Variants in KLHL2 observed in about 807,000 individuals in gnomAD.
KLHL2 encodes the protein kelch like family member 2.
In KLHL2, 15 loss-of-function variants were observed where a neutral mutation model predicts 75.8. That is an observed-to-expected ratio of 0.20 (90% CI 0.13 to 0.30). The LOEUF (loss-of-function observed/expected upper bound fraction) is 0.30, where lower values mean the gene tolerates loss of function less well. Among genes scored for constraint, KLHL2 ranks in the 10% least tolerant of loss-of-function variants. The pLI is 1.00. For missense variants in KLHL2, 381 were observed against 741.0 expected (o/e 0.51, Z 5.64); for synonymous variants, 214 against 251.9 (o/e 0.85, Z 1.42).
chr4:165,209,160 C>G lies in KLHL2; in HGVS notation c.26+1258C>G, dbSNP rs1006280249. 1.8e-4 allele frequency among the ~76,000 whole-genome samples: 27 copies of G among 152,108 alleles called. 1 individual carries two copies. The highest frequency in any genetic ancestry group is 1.0e-4 in the Non-Finnish European group (7 of 68,010). ...CTTAGTCACCTCTCGATAGCTGTGG[C>G]TTTGAGGGCTCTGAGATTTGGTCAT... On this transcript the variant is annotated intron_variant, in intron 1 of 14. Transcript: ENST00000226725.
At chr4:165,250,450 A>G (rs1441804360) in intron 4 of KLHL2, among the ~76,000 whole-genome samples, 1 of 152,212 alleles carries the variant, frequency 6.6e-6, no homozygotes, top group African/African-American at 2.4e-5. Flanking sequence ...TCAGAAAATA[A>G]TAAGGAGCCC....
chr4:165,301,457 C>G (rs1745342698), intron 8 of KLHL2, among the ~76,000 whole-genome samples: 1 of 152,210 alleles, frequency 6.6e-6, no homozygotes. Flanking sequence ...GTAAGTGGCT[C>G]AGTAAGTACA....
At chr4:165,280,011 G>C (rs1326050086) in intron 5 of KLHL2, among the ~76,000 whole-genome samples, 1 of 152,200 alleles carries the variant, frequency 6.6e-6, no homozygotes, top group Admixed American at 6.5e-5. Flanking sequence ...TCCAGGGTCT[G>C]TTGGACCTTT....
chr4:165,215,022 C>T (rs1239985065), intron 1 of KLHL2, among the ~76,000 whole-genome samples: 1 of 152,000 alleles, frequency 6.6e-6, no homozygotes, highest in African/African-American at 2.4e-5. Context: ...GTCTATAGGG[C>T]AAATGTTAAC....
At chr4:165,294,760 C>A (rs1164718018) in intron 6 of KLHL2, among the ~76,000 whole-genome samples, 1 of 152,200 alleles carries the variant, frequency 6.6e-6, no homozygotes, top group Non-Finnish European at 1.5e-5. Context: ...CAAGAGCTTG[C>A]ACACATTAGA....
intron 5 of KLHL2, chr4:165,278,670 C>G (rs1245329252): frequency 8.8e-6 from 14 of 1,599,376 alleles, no homozygotes; most frequent in Admixed American, 1.7e-5. Context: ...ATAACAGCAC[C>G]AGCTATAGCT....
intron 5 of KLHL2, among the ~76,000 whole-genome samples, chr4:165,288,090 A>G (rs1744220275): frequency 6.6e-6 from 1 of 152,178 alleles, no homozygotes; most frequent in African/African-American, 2.4e-5. Context: ...CAGTGTCACG[A>G]AACTTTCCCC....
rs1198928728 is a variant in KLHL2, at chr4:165,259,104, C to CT, written c.382-4081dup. Among the ~76,000 whole-genome samples the CT allele has an allele frequency of 8.2e-3, 1,204 of 146,386 alleles. 16 individuals are homozygous for CT. The highest frequency in any genetic ancestry group is 0.027 in the African/African-American group (1,069 of 40,164). On this transcript the variant is annotated intron_variant, in intron 4 of 14. Transcript: ENST00000226725. ...GTATTTCTAACTATGAACCTATATT[C>CT]TTTTTTTTTTTTCTTTGAGATGGAG...
chr4:165,306,187 C>T (rs1745715308), intron 9 of KLHL2, among the ~76,000 whole-genome samples: 1 of 152,212 alleles, frequency 6.6e-6, no homozygotes. Flanking sequence ...ATTATACAAA[C>T]TCAGAATTTT....
intron 8 of KLHL2, among the ~76,000 whole-genome samples, chr4:165,300,439 G>T (rs1269520963): frequency 1.3e-5 from 2 of 152,108 alleles, no homozygotes; most frequent in African/African-American, 4.8e-5. Context: ...GTTCCCTGCT[G>T]TATACCATTT....
intron 5 of KLHL2, among the ~76,000 whole-genome samples, chr4:165,284,107 A>T (rs1224389831): frequency 2.0e-5 from 3 of 152,120 alleles, no homozygotes; most frequent in Non-Finnish European, 4.4e-5. Context: ...TGGGCCTGTG[A>T]TGGAAGGGGC....
intron 5 of KLHL2, chr4:165,278,697 C>T (rs764206073): frequency 2.2e-5 from 35 of 1,603,902 alleles, no homozygotes; most frequent in Admixed American, 1.2e-4. Context: ...CCTTCCAAAG[C>T]GTAATATACC....
At chr4:165,288,555 C>CT (rs1744257837) in intron 5 of KLHL2, among the ~76,000 whole-genome samples, 1 of 152,246 alleles carries the variant, frequency 6.6e-6, no homozygotes, top group African/African-American at 2.4e-5. Context: ...TTTCCTAAAG[C>CT]TTTTTTCATA....
intron 4 of KLHL2, among the ~76,000 whole-genome samples, chr4:165,262,652 T>A (rs1741786078): frequency 6.6e-6 from 1 of 152,098 alleles, no homozygotes; most frequent in South Asian, 2.1e-4. Flanking sequence ...GATCACAGAT[T>A]ACTACAGCCT....
At chr4:165,218,078 T>C (rs562526776) in intron 1 of KLHL2, among the ~76,000 whole-genome samples, 159 of 152,292 alleles carry the variant, frequency 1.0e-3, no homozygotes, top group African/African-American at 3.7e-3. Context: ...TTTCATCACC[T>C]CCACTGCGAC....
At chr4:165,310,152 C>T (rs545866555) in intron 9 of KLHL2, among the ~76,000 whole-genome samples, 6 of 152,122 alleles carry the variant, frequency 3.9e-5, no homozygotes, top group South Asian at 2.1e-4. Flanking sequence ...AGTGAAACCC[C>T]ATCTCTACTA....
chr4:165,224,845 T>C (rs1201399790), intron 2 of KLHL2, among the ~76,000 whole-genome samples: 1 of 152,236 alleles, frequency 6.6e-6, no homozygotes, highest in East Asian at 1.9e-4. Context: ...CTTGGTGTTA[T>C]AAACAATCCA....
At chr4:165,254,436 T>G (rs1697519984) in intron 4 of KLHL2, among the ~76,000 whole-genome samples, 1 of 131,116 alleles carries the variant, frequency 7.6e-6, no homozygotes, top group Non-Finnish European at 1.7e-5. Context: ...TCTTATTCCA[T>G]TTTTTGGACT....
chr4:165,252,101 C>G (rs1349524765), intron 4 of KLHL2, among the ~76,000 whole-genome samples: 8 of 151,788 alleles, frequency 5.3e-5, no homozygotes, highest in Non-Finnish European at 1.0e-4. Context: ...TCTTGATGAA[C>G]AAAAAAATGA....
Sources: allele counts gnomAD v4.1 joint callset (sites outside exome capture counted in the v4.1 genomes callset), GRCh38; gene constraint gnomAD v4.1.1; transcripts MANE v1.5; gene names NCBI Gene and HGNC (gene_info 2026-07-23, HGNC 2026-07-21).